Variants in PTPRO observed in about 807,000 individuals in gnomAD.
PTPRO encodes the protein protein tyrosine phosphatase receptor type O.
Under a neutral mutation model 145.2 loss-of-function variants are expected in PTPRO, and 62 were observed. The observed-to-expected ratio is 0.43, with a 90% CI of 0.35 to 0.53. The LOEUF (loss-of-function observed/expected upper bound fraction) is 0.53. Among genes scored for constraint, PTPRO ranks in the 20% least tolerant of loss-of-function variants. PTPRO has a pLI of 0.01. For synonymous variants in PTPRO, 565 were observed against 514.7 expected (o/e 1.10, Z -1.32); for missense variants, 1,345 against 1,482.7 (o/e 0.91, Z 1.53).
chr12:15,516,615 A>AGGG, intron 8 of PTPRO, 148 bp from the exon 9 acceptor site: 1 of 560,884 alleles, frequency 1.8e-6, no homozygotes. Flanking sequence ...GAAAGGGAGG[A>AGGG]AGGAAGGAAG....
chr12:15,378,316 T>C (rs1470725505), intron 1 of PTPRO, among the ~76,000 whole-genome samples: 3 of 151,906 alleles, frequency 2.0e-5, no homozygotes, highest in African/African-American at 7.3e-5. Flanking sequence ...GACAGCCCTA[T>C]TGTCCTTATA....
rs1938518994 is a variant in PTPRO, at chr12:15,371,234, A to AC, written c.75+48434dup. ...AAATAAAGAACATAACCTCAAGCTC[A>AC]CTATTTTTTTTTTTTTTAGACCGAG... On this transcript the variant is annotated intron_variant, in intron 1 of 26. Coordinates refer to ENST00000281171, the MANE Select transcript of PTPRO (RefSeq NM_030667.3). Among the ~76,000 whole-genome samples the AC allele has an allele frequency of 2.0e-5, 3 of 147,044 alleles. No homozygotes were observed. The South Asian group carries it at 6.4e-4, about 31-fold the overall frequency.
intron 1 of PTPRO, among the ~76,000 whole-genome samples, chr12:15,360,187 C>T (rs1351717878): frequency 6.6e-6 from 1 of 152,108 alleles, no homozygotes; most frequent in African/African-American, 2.4e-5. Context: ...TACTTACTTG[C>T]ATTTTTACAT....
intron 1 of PTPRO, among the ~76,000 whole-genome samples, chr12:15,368,033 A>G (rs186467854): frequency 7.0e-4 from 106 of 152,268 alleles, no homozygotes; most frequent in African/African-American, 2.5e-3. Context: ...TCATCTAAAC[A>G]TTTCTCAATA....
At chr12:15,564,257 G>A (rs1367217885) in intron 17 of PTPRO, among the ~76,000 whole-genome samples, 3 of 152,180 alleles carry the variant, frequency 2.0e-5, no homozygotes, top group Non-Finnish European at 2.9e-5. Flanking sequence ...CTTCGTGGAC[G>A]TGTTCCTACA....
chr12:15,399,268 G>A (rs1939425009), intron 1 of PTPRO, among the ~76,000 whole-genome samples: 1 of 152,266 alleles, frequency 6.6e-6, no homozygotes, highest in East Asian at 1.9e-4. Context: ...ACTATTCTGA[G>A]CTTTTTACAT....
At chr12:15,425,388 T>G (rs1394859939) in intron 1 of PTPRO, among the ~76,000 whole-genome samples, 1 of 152,128 alleles carries the variant, frequency 6.6e-6, no homozygotes, top group Admixed American at 6.5e-5. Context: ...TCACATAACT[T>G]CCCAAGGCCT....
intron 23 of PTPRO, among the ~76,000 whole-genome samples, chr12:15,582,659 C>A (rs1218803546): frequency 1.3e-5 from 2 of 152,066 alleles, no homozygotes; most frequent in Non-Finnish European, 2.9e-5. Flanking sequence ...ATAAGGCACA[C>A]TTATGTTTTA....
intron 1 of PTPRO, among the ~76,000 whole-genome samples, chr12:15,357,434 A>G (rs1187977805): frequency 6.6e-6 from 1 of 152,258 alleles, no homozygotes; most frequent in Non-Finnish European, 1.5e-5. Context: ...TTTTCAAATC[A>G]GCAGATGTTC....
At chr12:15,569,606 G>A in intron 19 of PTPRO, 108 bp downstream of exon 19, 1 of 998,514 alleles carries the variant, frequency 1.0e-6, no homozygotes, top group Non-Finnish European at 1.6e-6. Flanking sequence ...TAACAAAAAG[G>A]GTATTGGCCT....
intron 23 of PTPRO, among the ~76,000 whole-genome samples, chr12:15,585,131 C>T (rs554534424): frequency 6.6e-6 from 1 of 152,264 alleles, no homozygotes; most frequent in Admixed American, 6.5e-5. Flanking sequence ...TCACCTTGCA[C>T]TTTTTAACTG....
At chr12:15,497,562 A>T (rs989271085) in intron 3 of PTPRO, among the ~76,000 whole-genome samples, 159 bp downstream of exon 3, 1 of 152,258 alleles carries the variant, frequency 6.6e-6, no homozygotes, top group African/African-American at 2.4e-5. Context: ...AAATCGTGTT[A>T]TGAGGAAGCC....
chr12:15,384,414 A>T lies in PTPRO; in HGVS notation c.75+61613A>T, dbSNP rs1343298213. On this transcript the variant is annotated intron_variant, in intron 1 of 26. Transcript: ENST00000281171. ...AAACAACAGAAATGTGTTTTCTCAT[A>T]GTTCTGGAGGATGGAAAAGCTAAGA... Among the ~76,000 whole-genome samples the T allele has an allele frequency of 3.3e-5, 5 of 152,310 alleles. No individual in the cohort carries two copies. In the East Asian group the frequency reaches 9.6e-4, roughly 29 times the overall value.
At chr12:15,481,328 A>AG (rs1184704040) in intron 1 of PTPRO, among the ~76,000 whole-genome samples, 2 of 152,166 alleles carry the variant, frequency 1.3e-5, no homozygotes, top group Non-Finnish European at 2.9e-5. Flanking sequence ...GAATTTTCCT[A>AG]GGAGGCCACA....
At chr12:15,580,866 C>G (rs777023274) in intron 22 of PTPRO, 35 bp downstream of exon 22, 1 of 1,612,726 alleles carries the variant, frequency 6.2e-7, no homozygotes, top group South Asian at 1.1e-5. Context: ...CACTTAGCAG[C>G]AAAACCTGCC....
chr12:15,352,582 C>CA (rs1454046393), intron 1 of PTPRO, among the ~76,000 whole-genome samples: 10 of 146,406 alleles, frequency 6.8e-5, no homozygotes, highest in Non-Finnish European at 1.0e-4. Flanking sequence ...ACTCGGGAGG[C>CA]GAGCTTGCAG....
Position 15,551,607 on chromosome 12 carries a change from C to T in PTPRO, c.2494C>T (p.Leu832Phe). Reference sequence around the variant, plus strand: ...CTCCGTGCTGGCCATCCTTAGCACACTTTTAATTGGACTGTTGCTTGTTAC... The same window carrying T: ...CTCCGTGCTGGCCATCCTTAGCACATTTTTAATTGGACTGTTGCTTGTTAC... ...VISVLAILST[L>F]LIGLLLVTLI... The change falls in exon 15 of 27, where the codon CTT (leucine) becomes TTT (phenylalanine). Residue 832 changes from leucine to phenylalanine, a missense_variant. By Grantham distance (22) the Leu-to-Phe change is conservative. Transcript: ENST00000281171. 1 of 1,613,650 alleles carries T rather than the reference C, an allele frequency of 6.2e-7. No individual in the cohort carries two copies. Among genetic ancestry groups the T allele is most frequent in the East Asian group, 2.2e-5 (1 of 44,852 alleles).
chr12:15,364,404 G>T (rs1938297994), intron 1 of PTPRO, among the ~76,000 whole-genome samples: 1 of 152,106 alleles, frequency 6.6e-6, no homozygotes, highest in Admixed American at 6.6e-5. Flanking sequence ...GGACTGTCAG[G>T]TGGGTTTTCT....
At chr12:15,552,735 T>C (rs2135564444) in intron 15 of PTPRO, among the ~76,000 whole-genome samples, 1 of 151,142 alleles carries the variant, frequency 6.6e-6, no homozygotes, top group South Asian at 2.1e-4. Context: ...TAAGAAGAGA[T>C]GTGGGATTGC....
Sources: gnomAD v4.1 joint callset for allele counts (sites outside exome capture counted in the v4.1 genomes callset) on GRCh38, gnomAD v4.1.1 for gene constraint, MANE v1.5 for transcripts, NCBI Gene and HGNC (gene_info 2026-07-23, HGNC 2026-07-21) for gene names.